The following CALN1 variants were observed in gnomAD, a reference collection of about 807,000 sequenced individuals.
The protein encoded by CALN1 is calcium-binding protein 8.
Under a neutral mutation model 30.6 loss-of-function variants are expected in CALN1, and 17 were observed. That is an observed-to-expected ratio of 0.56 (90% CI 0.38 to 0.83). The LOEUF is 0.83. Ranked by LOEUF, CALN1 falls within the 40% of genes least tolerant of loss-of-function variation. The probability of loss-of-function intolerance (pLI) is 0.00; values close to 1 mark genes in which losing one functional copy is unlikely to be tolerated. For missense variants in CALN1, 291 were observed against 354.9 expected, an observed-to-expected ratio of 0.82 and a Z score of 1.45; for synonymous variants, 156 against 131.4, an observed-to-expected ratio of 1.19 and a Z score of -1.28.
intron 2 of CALN1, among the ~76,000 whole-genome samples, chr7:72,396,732 G>A (rs910333614): frequency 6.6e-6 from 1 of 152,104 alleles, no homozygotes; most frequent in African/African-American, 2.4e-5. Context: ...TTTTAATTGT[G>A]AGGGAGAAGG....
chr7:72,024,257 C>T lies in CALN1; in HGVS notation c.389-488G>A, dbSNP rs538040880. ...TTTCAACCATGAAGGTGAGAAAATC[C>T]TTCTAAGAATTAATGTTCCTAGCTA... On this transcript the variant is annotated intron_variant, in intron 4 of 6. Transcript: ENST00000395275. Among the ~76,000 whole-genome samples the T allele has an allele frequency of 9.2e-5, 14 of 152,306 alleles. No individual in the cohort carries two copies. In the South Asian group the frequency reaches 2.9e-3, roughly 32 times the overall value.
intron 2 of CALN1, among the ~76,000 whole-genome samples, chr7:72,324,378 G>C (rs1396048047): frequency 6.6e-6 from 1 of 151,906 alleles, no homozygotes; most frequent in Non-Finnish European, 1.5e-5. Context: ...CCACAGCAGG[G>C]TCATCCCATC....
intron 3 of CALN1, among the ~76,000 whole-genome samples, chr7:72,237,825 A>G (rs1260396716): frequency 6.6e-6 from 1 of 152,236 alleles, no homozygotes; most frequent in Non-Finnish European, 1.5e-5. Context: ...GATTGCAGAC[A>G]TCAAGGGAAT....
intron 5 of CALN1, among the ~76,000 whole-genome samples, chr7:71,991,056 G>C (rs1004379455): frequency 6.7e-6 from 1 of 149,850 alleles, no homozygotes; most frequent in Admixed American, 6.6e-5. Context: ...TGAGGGGGGG[G>C]GTCGACAAAT....
chr7:72,403,552 A>G (rs1321504282), intron 1 of CALN1, 110 bp from the exon 2 acceptor site: 1 of 493,036 alleles, frequency 2.0e-6, no homozygotes, highest in Non-Finnish European at 3.6e-6. Flanking sequence ...TACACAGGAC[A>G]ATGGTAGAAA....
chr7:72,435,272 AGGGAAG>A (rs1392326229), intron 1 of CALN1, among the ~76,000 whole-genome samples: 10 of 151,332 alleles, frequency 6.6e-5, no homozygotes, highest in Admixed American at 1.3e-4. Context: ...AAGAAAGGGA[AGGGAAG>A]GGGAAGGGGA....
intron 2 of CALN1, among the ~76,000 whole-genome samples, chr7:72,387,660 T>C (rs1412551964): frequency 1.3e-5 from 2 of 152,148 alleles, no homozygotes; most frequent in African/African-American, 4.8e-5. Context: ...CTTGAGACAG[T>C]CTACAATATA....
chr7:72,054,872 C>T (rs1803148580), intron 4 of CALN1, among the ~76,000 whole-genome samples: 1 of 151,972 alleles, frequency 6.6e-6, no homozygotes, highest in Non-Finnish European at 1.5e-5. Flanking sequence ...CCTATTATAA[C>T]AAACCTGCAC....
intron 3 of CALN1, among the ~76,000 whole-genome samples, chr7:72,212,242 G>C (rs938834153): frequency 6.6e-6 from 1 of 151,476 alleles, no homozygotes; most frequent in East Asian, 2.0e-4. Flanking sequence ...CCAGCTACTC[G>C]GGAGGCTGAG....
chr7:72,426,818 A>T (rs1338188727), intron 1 of CALN1, among the ~76,000 whole-genome samples: 1 of 152,124 alleles, frequency 6.6e-6, no homozygotes, highest in African/African-American at 2.4e-5. Context: ...TATGGCTTGC[A>T]TTGACCACTC....
At chr7:72,039,591 G>C (rs577397265) in intron 4 of CALN1, among the ~76,000 whole-genome samples, 34 of 152,156 alleles carry the variant, frequency 2.2e-4, no homozygotes, top group Non-Finnish European at 4.4e-4. Context: ...TAAACCTAGA[G>C]TGGGGAAGAG....
intron 3 of CALN1, among the ~76,000 whole-genome samples, chr7:72,180,780 T>C (rs947877671): frequency 6.6e-6 from 1 of 151,784 alleles, no homozygotes; most frequent in Non-Finnish European, 1.5e-5. Context: ...TTTATGCTTT[T>C]TAAGTGCCAA....
intron 5 of CALN1, among the ~76,000 whole-genome samples, chr7:71,905,626 C>T (rs1022809162): frequency 6.6e-6 from 1 of 151,974 alleles, no homozygotes. Context: ...GCAAGACATA[C>T]GCACTCCATA....
the CALN1 span, among the ~76,000 whole-genome samples, chr7:72,474,934 T>C: frequency 6.6e-6 from 1 of 152,184 alleles, no homozygotes; most frequent in Non-Finnish European, 1.5e-5. Flanking sequence ...GTCATTCATC[T>C]GGATTACTTC....
chr7:71,979,517 G>A (rs1798279938), intron 5 of CALN1, among the ~76,000 whole-genome samples: 1 of 152,124 alleles, frequency 6.6e-6, no homozygotes, highest in Admixed American at 6.6e-5. Flanking sequence ...CGCTGCCGCT[G>A]ATCTGGCAGG....
chr7:72,435,222 C>G (rs1808112122), intron 1 of CALN1, among the ~76,000 whole-genome samples: 1 of 137,144 alleles, frequency 7.3e-6, no homozygotes, highest in African/African-American at 2.8e-5. Context: ...GCAACAGAGC[C>G]AAATCCAGTC....
chr7:71,993,732 C>G (rs763833407), intron 5 of CALN1, among the ~76,000 whole-genome samples: 14 of 152,226 alleles, frequency 9.2e-5, no homozygotes, highest in Non-Finnish European at 2.1e-4. Context: ...GCTGGGATTA[C>G]AGGCGTGAGC....
In CALN1 at chr7:71,972,905, TG is replaced by T. The variant is rs1461426346; in HGVS notation, c.501+50751del. Among the ~76,000 whole-genome samples, 5 of 152,276 alleles carry T rather than the reference TG, an allele frequency of 3.3e-5. No homozygotes were observed. In the East Asian group the frequency reaches 7.7e-4, roughly 24 times the overall value. On this transcript the variant is annotated intron_variant, in intron 5 of 6. Transcript: ENST00000395275. Reference sequence around the variant, plus strand: ...TGTTTGTTCCCCATATTTTGCAGCTTGGAACAGTCACCTGATGTTCACTCAT... The same window carrying T: ...TGTTTGTTCCCCATATTTTGCAGCTTGAACAGTCACCTGATGTTCACTCAT...
At chr7:72,495,512 C>G in the CALN1 span, among the ~76,000 whole-genome samples, 1 of 152,224 alleles carries the variant, frequency 6.6e-6, no homozygotes, top group African/African-American at 2.4e-5. Flanking sequence ...CCCAAGAACT[C>G]ATTTTGGTTT....
Sources: allele counts gnomAD v4.1 joint callset (sites outside exome capture counted in the v4.1 genomes callset), GRCh38; gene constraint gnomAD v4.1.1; transcripts MANE v1.5; gene names NCBI Gene and HGNC (gene_info 2026-07-23, HGNC 2026-07-21).